ATXN7: variants seen among roughly 807,000 people sequenced by gnomAD.
The protein encoded by ATXN7 is ataxin-7.
Under a neutral mutation model 70.5 loss-of-function variants are expected in ATXN7, and 12 were observed. The observed-to-expected ratio is 0.17, with a 90% CI of 0.11 to 0.28. The LOEUF (loss-of-function observed/expected upper bound fraction) is 0.28, where lower values mean the gene tolerates loss of function less well. Among genes scored for constraint, ATXN7 ranks in the 10% least tolerant of loss-of-function variants. The pLI is 1.00. For missense variants in ATXN7, 1,256 were observed against 1,131.7 expected (o/e 1.11, Z -1.58); for synonymous variants, 498 against 448.7 (o/e 1.11, Z -1.39).
intron 6 of ATXN7, chr3:63,980,432 T>C (rs567479126): frequency 1.9e-5 from 9 of 477,804 alleles, no homozygotes; most frequent in Middle Eastern, 5.7e-4. Context: ...ATGTGTGTAC[T>C]ATGTCACTTA....
chr3:63,931,880 T>C (rs1205484994), intron 4 of ATXN7, among the ~76,000 whole-genome samples: 2 of 152,180 alleles, frequency 1.3e-5, no homozygotes, highest in Non-Finnish European at 2.9e-5. Context: ...AGTTTGGAAG[T>C]AGACACAGGA....
chr3:63,997,784 A>C (rs973585428), intron 12 of ATXN7: 14 of 1,500,700 alleles, frequency 9.3e-6, no homozygotes, highest in Non-Finnish European at 1.2e-5. Flanking sequence ...AATACCAAGA[A>C]GTTTCTTAGT....
chr3:63,926,135 G>T (rs1210475530), intron 4 of ATXN7, among the ~76,000 whole-genome samples: 1 of 152,120 alleles, frequency 6.6e-6, no homozygotes, highest in Non-Finnish European at 1.5e-5. Flanking sequence ...ACCCTTTAAT[G>T]GTTTCTATTT....
chr3:63,903,714 C>T (rs1703735724), intron 2 of ATXN7: 1 of 152,134 alleles, frequency 6.6e-6, no homozygotes. Flanking sequence ...GAGGAGCTAA[C>T]TGAGGTACAG....
At chr3:63,919,968 C>T (rs1278280398) in intron 4 of ATXN7, among the ~76,000 whole-genome samples, 1 of 151,974 alleles carries the variant, frequency 6.6e-6, no homozygotes, top group East Asian at 1.9e-4. Flanking sequence ...CATTCAAATT[C>T]TCCAGAATCG....
chr3:63,992,261 A>G (rs774863693), intron 11 of ATXN7, among the ~76,000 whole-genome samples: 1 of 152,206 alleles, frequency 6.6e-6, no homozygotes, highest in Non-Finnish European at 1.5e-5. Flanking sequence ...GATTCAGAGC[A>G]CTGTTACTCT....
Position 63,912,781 on chromosome 3 carries a change from G to A in ATXN7, c.183G>A (p.Glu61=), listed in dbSNP as rs765894375. 1 of 1,514,526 alleles carries A rather than the reference G, an allele frequency of 6.6e-7. No individual in the cohort carries two copies. Among genetic ancestry groups the A allele is most frequent in the Non-Finnish European group, 8.8e-7 (1 of 1,134,854 alleles). 93.8% of individuals were successfully genotyped at this position (1,514,526 alleles called of 1,614,324 possible). A position where few individuals can be genotyped will look rare whatever the true frequency, so the allele number is the denominator to read the frequency against. Residue 61 remains glutamate (E), a synonymous_variant, in exon 3 of 13, where the codon GAG becomes GAA. Transcript: ENST00000674280. ...PPPPPRRTRP[E]DGGPGAASTS... is the part of the protein sequence containing the mutation. ...CGCCGCCACGGCGCACACGGCCGGAGGACGGCGGGCCCGGCGCCGCCTCCA... is the reference window on the plus strand; with the variant it reads ...CGCCGCCACGGCGCACACGGCCGGAAGACGGCGGGCCCGGCGCCGCCTCCA...
At chr3:63,987,806 A>T (rs1313666016) in intron 8 of ATXN7, among the ~76,000 whole-genome samples, 2 of 152,066 alleles carry the variant, frequency 1.3e-5, no homozygotes, top group African/African-American at 4.8e-5. Context: ...GTCACCGCTC[A>T]CATATCTTTT....
chr3:63,873,651 C>T (rs908206473), intron 1 of ATXN7: 3 of 152,176 alleles, frequency 2.0e-5, no homozygotes, highest in Non-Finnish European at 4.4e-5. Flanking sequence ...ATAAGCGACA[C>T]CATAATGATC....
Position 63,982,961 on chromosome 3 carries a change from C to G in ATXN7, c.1035C>G (p.Ile345Met). 1 of 1,613,952 alleles carries G rather than the reference C, an allele frequency of 6.2e-7. No individual in the cohort carries two copies. The highest frequency in any genetic ancestry group is 8.5e-7 in the Non-Finnish European group (1 of 1,179,926). ...RLSEREFDPDIHCGVIDLDTK... is the reference protein window; with the variant it reads ...RLSEREFDPDMHCGVIDLDTK... ...CAGAAAGAGAGTTTGATCCTGACAT[C>G]CACTGTGGGGTTATTGATCTCGACA... The change falls in exon 8 of 13, where the codon ATC becomes ATG. Residue 345 changes from isoleucine to methionine, a missense_variant. Physicochemically the swap from Ile to Met is conservative, Grantham distance 10 (BLOSUM62 1). Transcript: ENST00000674280.
intron 4 of ATXN7, among the ~76,000 whole-genome samples, chr3:63,920,256 A>G (rs1274190370): frequency 6.6e-6 from 1 of 152,122 alleles, no homozygotes. Context: ...TCCAATTTAC[A>G]GTTTTGATTG....
intron 2 of ATXN7, among the ~76,000 whole-genome samples, chr3:63,909,826 C>T: frequency 6.6e-6 from 1 of 152,154 alleles, no homozygotes; most frequent in East Asian, 1.9e-4. Context: ...CTCTTGTCTG[C>T]ACATCCTCTT....
At chr3:63,962,561 C>G (rs1302608760) in intron 5 of ATXN7, among the ~76,000 whole-genome samples, 3 of 152,004 alleles carry the variant, frequency 2.0e-5, no homozygotes, top group Non-Finnish European at 1.5e-5. Context: ...TGCACCACCA[C>G]ACCCAGCTAA....
chr3:63,954,121 A>T (rs1258785324), intron 5 of ATXN7, among the ~76,000 whole-genome samples: 2 of 152,208 alleles, frequency 1.3e-5, no homozygotes, highest in Non-Finnish European at 2.9e-5. Flanking sequence ...GCCCTAGGGT[A>T]GGCACTAGAG....
intron 1 of ATXN7, among the ~76,000 whole-genome samples, chr3:63,895,435 T>C (rs1343429565): frequency 6.6e-6 from 1 of 152,204 alleles, no homozygotes; most frequent in Non-Finnish European, 1.5e-5. Context: ...AGTATATTCT[T>C]TTATAACACA....
chr3:63,899,611 A>C, intron 2 of ATXN7, among the ~76,000 whole-genome samples: 1 of 151,272 alleles, frequency 6.6e-6, no homozygotes, highest in Non-Finnish European at 1.5e-5. Flanking sequence ...CAACTCTAGA[A>C]ATTTTTTTTT....
intron 4 of ATXN7, among the ~76,000 whole-genome samples, chr3:63,931,229 A>T (rs568899233): frequency 6.6e-6 from 1 of 152,164 alleles, no homozygotes; most frequent in Non-Finnish European, 1.5e-5. Flanking sequence ...GTGAGCCACC[A>T]CATCCAGCCT....
At chr3:63,993,451 CA>C (rs571461104) in intron 11 of ATXN7, among the ~76,000 whole-genome samples, 166 of 117,116 alleles carry the variant, frequency 1.4e-3, no homozygotes, top group East Asian at 2.9e-3. Flanking sequence ...GACTCCGTCT[CA>C]AAAAAAAAAA....
chr3:63,982,587 G>C (rs763810293), intron 7 of ATXN7, 142 bp downstream of exon 7: 6 of 779,422 alleles, frequency 7.7e-6, no homozygotes, highest in Non-Finnish European at 1.2e-5. Flanking sequence ...TAGTTAATAT[G>C]TTTGTTCTTT....
Sources: allele counts gnomAD v4.1 joint callset (sites outside exome capture counted in the v4.1 genomes callset), GRCh38; gene constraint gnomAD v4.1.1; transcripts MANE v1.5; gene names NCBI Gene and HGNC (gene_info 2026-07-23, HGNC 2026-07-21).